ENOX1: variants seen among roughly 807,000 people sequenced by gnomAD.
ENOX1 encodes candidate growth-related and time keeping constitutive hydroquinone (NADH) oxidase.
A neutral mutation model predicts 82.5 loss-of-function variants in ENOX1; 42 were observed. That is an observed-to-expected ratio of 0.51 (90% confidence interval 0.40 to 0.66). The LOEUF (loss-of-function observed/expected upper bound fraction) is 0.66, where lower values mean the gene tolerates loss of function less well. Ranked by LOEUF, ENOX1 falls within the 30% of genes least tolerant of loss-of-function variation. The pLI, the probability that ENOX1 is intolerant of heterozygous loss-of-function variation, is 0.00. For synonymous variants in ENOX1, 271 were observed against 282.2 expected, an observed-to-expected ratio of 0.96 and a Z score of 0.40; for missense variants, 608 against 811.6, an observed-to-expected ratio of 0.75 and a Z score of 3.05.
At chr13:43,568,791 C>T (rs2080038153) in intron 2 of ENOX1, among the ~76,000 whole-genome samples, 1 of 151,282 alleles carries the variant, frequency 6.6e-6, no homozygotes, top group African/African-American at 2.4e-5. Context: ...ATTTGAAACT[C>T]ATTCTATGAG....
chr13:43,387,724 A>G (rs2052511711), intron 5 of ENOX1, among the ~76,000 whole-genome samples: 1 of 152,122 alleles, frequency 6.6e-6, no homozygotes, highest in Non-Finnish European at 1.5e-5. Context: ...ATATATACAC[A>G]TATATGCATA....
chr13:43,712,713 CTGTT>C (rs1382612300), intron 1 of ENOX1, among the ~76,000 whole-genome samples: 1 of 152,002 alleles, frequency 6.6e-6, no homozygotes, highest in Non-Finnish European at 1.5e-5. Context: ...ATTTGGCTCT[CTGTT>C]TGTTACTGGT....
At chr13:43,703,244 A>T (rs1006271822) in intron 1 of ENOX1, among the ~76,000 whole-genome samples, 2 of 152,192 alleles carry the variant, frequency 1.3e-5, no homozygotes, top group Non-Finnish European at 2.9e-5. Context: ...AAAAATGGGT[A>T]GTGTTCTTTC....
chr13:43,682,162 A>G (rs1390460262), intron 1 of ENOX1, among the ~76,000 whole-genome samples: 2 of 152,154 alleles, frequency 1.3e-5, no homozygotes, highest in African/African-American at 4.8e-5. Flanking sequence ...TAAAGCAAAC[A>G]TTTTAAAACA....
chr13:43,495,014 GTA>G (rs2076745791), intron 2 of ENOX1, among the ~76,000 whole-genome samples: 1 of 152,092 alleles, frequency 6.6e-6, no homozygotes, highest in African/African-American at 2.4e-5. Flanking sequence ...AGGGGAGCTG[GTA>G]TATGTCTGCA....
chr13:43,403,349 T>TAGAAA (rs1331950481), intron 5 of ENOX1, among the ~76,000 whole-genome samples: 1 of 152,198 alleles, frequency 6.6e-6, no homozygotes, highest in Non-Finnish European at 1.5e-5. Context: ...TTCCATGGAA[T>TAGAAA]AGAAAAGTGA....
intron 2 of ENOX1, among the ~76,000 whole-genome samples, chr13:43,519,755 C>T (rs1434867794): frequency 6.6e-6 from 1 of 152,132 alleles, no homozygotes; most frequent in Non-Finnish European, 1.5e-5. Context: ...TCTGAATCCC[C>T]TGCGATCCTC....
intron 2 of ENOX1, among the ~76,000 whole-genome samples, chr13:43,499,834 G>C (rs2076919638): frequency 6.6e-6 from 1 of 151,910 alleles, no homozygotes; most frequent in Non-Finnish European, 1.5e-5. Context: ...TGAGCTACAA[G>C]AGAACAAATC....
At chr13:43,733,805 C>T (rs2089469996) in intron 1 of ENOX1, among the ~76,000 whole-genome samples, 1 of 152,146 alleles carries the variant, frequency 6.6e-6, no homozygotes, top group African/African-American at 2.4e-5. Flanking sequence ...CTTTCAAGAT[C>T]TAATCAAGTT....
intron 11 of ENOX1, among the ~76,000 whole-genome samples, chr13:43,316,938 C>T (rs2047531387): frequency 6.6e-6 from 1 of 152,156 alleles, no homozygotes; most frequent in Non-Finnish European, 1.5e-5. Context: ...TTGTTTGGCC[C>T]CCTTGGGTTC....
intron 2 of ENOX1, among the ~76,000 whole-genome samples, chr13:43,532,748 C>T (rs1024840860): frequency 1.3e-5 from 2 of 152,134 alleles, no homozygotes; most frequent in East Asian, 3.9e-4. Context: ...CAGAGTAAGA[C>T]ACTAAAAAGA....
At chr13:43,370,905 C>T (rs1475871776) in intron 5 of ENOX1, among the ~76,000 whole-genome samples, 1 of 100,668 alleles carries the variant, frequency 9.9e-6, no homozygotes, top group African/African-American at 2.6e-5. Context: ...CCCCCCTGTC[C>T]CCACCCCCTC....
intron 8 of ENOX1, among the ~76,000 whole-genome samples, chr13:43,355,193 C>T (rs2153556090): frequency 6.6e-6 from 1 of 152,352 alleles, no homozygotes; most frequent in South Asian, 2.1e-4. Flanking sequence ...ACTGAATTCA[C>T]ATGTCATCCT....
At chr13:43,320,276 T>G (rs1357672246) in intron 11 of ENOX1, among the ~76,000 whole-genome samples, 14 of 152,272 alleles carry the variant, frequency 9.2e-5, no homozygotes, top group Non-Finnish European at 1.5e-5. Context: ...GACTTTGAAC[T>G]GCTCGGGGCC....
intron 1 of ENOX1, among the ~76,000 whole-genome samples, chr13:43,722,481 G>C (rs1285204648): frequency 6.6e-6 from 1 of 152,198 alleles, no homozygotes; most frequent in Non-Finnish European, 1.5e-5. Context: ...GGGCCTGCCT[G>C]AGGATACAGT....
intron 1 of ENOX1, among the ~76,000 whole-genome samples, chr13:43,710,694 T>G (rs2087632659): frequency 6.6e-6 from 1 of 152,004 alleles, no homozygotes; most frequent in African/African-American, 2.4e-5. Flanking sequence ...CATAAAAAAG[T>G]AAGCTGAACC....
At chr13:43,444,223 AAC>A (rs1233659753) in intron 3 of ENOX1, among the ~76,000 whole-genome samples, 3 of 152,306 alleles carry the variant, frequency 2.0e-5, no homozygotes, top group Non-Finnish European at 2.9e-5. Context: ...AGTCTGCTAA[AAC>A]ACAGTCTGCC....
chr13:43,756,419 C>T (rs1213234745), intron 1 of ENOX1, among the ~76,000 whole-genome samples: 1 of 143,828 alleles, frequency 7.0e-6, no homozygotes, highest in Non-Finnish European at 1.5e-5. Flanking sequence ...GGCGACAGAG[C>T]GAGACCCTGT....
At chr13:43,506,285 GA>G (rs1159383278) in intron 2 of ENOX1, among the ~76,000 whole-genome samples, 1 of 151,906 alleles carries the variant, frequency 6.6e-6, no homozygotes, top group East Asian at 1.9e-4. Flanking sequence ...ACCACAATGA[GA>G]TACCATCTCA....
Sources: allele counts gnomAD v4.1 joint callset (sites outside exome capture counted in the v4.1 genomes callset), GRCh38; gene constraint gnomAD v4.1.1; transcripts MANE v1.5; gene names NCBI Gene and HGNC (gene_info 2026-07-23, HGNC 2026-07-21).